CDH7: variants seen among roughly 807,000 people sequenced by gnomAD.
CDH7 encodes the protein cadherin-7.
Under a neutral mutation model 71.8 loss-of-function variants are expected in CDH7, and 25 were observed. The observed-to-expected ratio is 0.35, with a 90% CI of 0.25 to 0.49. The LOEUF is 0.49. Among genes scored for constraint, CDH7 ranks in the 20% least tolerant of loss-of-function variants. The pLI is 0.99. For missense variants in CDH7, 862 were observed against 974.6 expected (o/e 0.88, Z 1.54); for synonymous variants, 381 against 363.8 (o/e 1.05, Z -0.54).
chr18:65,833,706 TGTGCTTGAGTA>T (rs1912433808), intron 6 of CDH7, among the ~76,000 whole-genome samples: 1 of 152,214 alleles, frequency 6.6e-6, no homozygotes, highest in South Asian at 2.1e-4. Flanking sequence ...TAAATTTACC[TGTGCTTGAGTA>T]GTCAAGAGTA....
At position 65,888,655 on chromosome 18, in the gene CDH7, C is replaced by T. The variant is rs1190029582; in HGVS notation, c.*7761C>T. On this transcript the variant is annotated 3_prime_UTR_variant, in exon 12 of 12. Transcript: ENST00000397968. ...CTAACATATACATGGTTTCAATTTT[C>T]TTATAAGTCTGTGAATCACTCAAGT... The T allele has an allele frequency of 6.6e-6, 1 of 151,898 alleles. No homozygotes were observed. The highest frequency in any genetic ancestry group is 1.5e-5 in the Non-Finnish European group (1 of 68,006). The allele number at this position is 151,898 out of a possible 1,614,324, so 9.4% of individuals were successfully genotyped here.
chr18:65,852,953 G>A (rs1195820530), intron 7 of CDH7, among the ~76,000 whole-genome samples: 3 of 152,124 alleles, frequency 2.0e-5, no homozygotes, highest in Admixed American at 2.0e-4. Flanking sequence ...GATATATTGA[G>A]ATTGAATTAA....
intron 8 of CDH7, 118 bp from the exon 9 acceptor site, chr18:65,858,807 C>T: frequency 1.0e-6 from 1 of 952,416 alleles, no homozygotes; most frequent in South Asian, 1.7e-5. Context: ...TCTATAGCTC[C>T]TTTTAAGTAA....
intron 2 of CDH7, among the ~76,000 whole-genome samples, chr18:65,776,956 A>G (rs1909970449): frequency 6.6e-6 from 1 of 152,208 alleles, no homozygotes; most frequent in African/African-American, 2.4e-5. Flanking sequence ...GGAAAGATAA[A>G]TGAGTAGAAA....
rs975481789 is a variant in CDH7 at position 65,817,797 on chromosome 18, A to G, written c.625+3193A>G. Among the ~76,000 whole-genome samples the G allele has an allele frequency of 4.5e-4, 69 of 152,190 alleles. 1 individual carries two copies. The highest frequency in any genetic ancestry group is 6.5e-5 in the Admixed American group (1 of 15,276). On this transcript the variant is annotated intron_variant, in intron 4 of 11. Transcript: ENST00000397968. The stretch of plus-strand genomic sequence containing the variant: ...ACTTGATTTTATTGCCTATTATATG[A>G]AATTCATTTATAATTTGCATTGCAG...
intron 6 of CDH7, among the ~76,000 whole-genome samples, chr18:65,831,654 C>A (rs1472205980): frequency 6.6e-6 from 1 of 152,006 alleles, no homozygotes; most frequent in Non-Finnish European, 1.5e-5. Context: ...TAAAACTTTT[C>A]CAGGGAGCTT....
In CDH7 at chr18:65,880,880, A is replaced by C. The variant is rs1332301882; in HGVS notation, c.2344A>C (p.Ser782Arg). 1 of 1,603,136 alleles carries C rather than the reference A, an allele frequency of 6.2e-7. No individual in the cohort carries two copies. The highest frequency in any genetic ancestry group is 1.3e-5 in the African/African-American group (1 of 74,364). The change falls in exon 12 of 12, where the codon AGT (serine) becomes CGT (arginine). Residue 782 changes from serine to arginine, a missense_variant. By Grantham distance (110) the Ser-to-Arg change is moderately radical. Transcript: ENST00000397968. ...LADMYGTGQE[S>R]LYS ...GGACATGTATGGGACTGGCCAAGAG[A>C]GTTTGTACTCATAGCCTTGGAACCT...
Position 65,887,324 on chromosome 18 carries a change from G to T in CDH7, c.*6430G>T, listed in dbSNP as rs1914396933. The T allele has an allele frequency of 6.6e-6, 1 of 151,892 alleles. No individual in the cohort carries two copies. The highest frequency in any genetic ancestry group is 2.1e-4 in the South Asian group (1 of 4,818). The allele number at this position is 151,892 out of a possible 1,614,324, so 9.4% of individuals were successfully genotyped here. On this transcript the variant is annotated 3_prime_UTR_variant, in exon 12 of 12. Coordinates refer to ENST00000397968, the MANE Select transcript of CDH7 (RefSeq NM_004361.5). ...GTACATGTGCACAATGTGCAGGTTA[G>T]TTACATATGTATACATGTGCCATGC...
At chr18:65,793,411 C>A (rs956296082) in intron 2 of CDH7, among the ~76,000 whole-genome samples, 1 of 146,876 alleles carries the variant, frequency 6.8e-6, no homozygotes. Flanking sequence ...ACAGCGACAC[C>A]CAGTCTCAAA....
intron 7 of CDH7, among the ~76,000 whole-genome samples, chr18:65,845,019 AC>A (rs1308831663): frequency 3.9e-5 from 6 of 152,024 alleles, no homozygotes; most frequent in African/African-American, 1.4e-4. Context: ...GTGCTTTTGA[AC>A]TAACTTTTGA....
At position 65,857,886 on chromosome 18, in the gene CDH7, A is replaced by G. The variant is rs866636094; in HGVS notation, c.1306A>G (p.Thr436Ala). The change falls in exon 8 of 12, where the codon ACT becomes GCT. Residue 436 changes from threonine to alanine, a missense_variant. Physicochemically the swap from Thr to Ala is moderately conservative, Grantham distance 58. Coordinates refer to ENST00000397968, the MANE Select transcript of CDH7 (RefSeq NM_004361.5). ...TGATGCCAACAGTGGGGTCATCACA[A>G]CTGCCAAGTCTTTGGATCGAGAGAC... ...NIDANSGVIT[T>A]AKSLDRETNA... 2 of 1,613,730 alleles carry G rather than the reference A, an allele frequency of 1.2e-6. No homozygotes were observed. Among genetic ancestry groups the G allele is most frequent in the South Asian group, 1.1e-5 (1 of 91,072 alleles).
Position 65,809,844 on chromosome 18 carries a change from C to T in CDH7, c.351C>T (p.Tyr117=). The change falls in exon 3 of 12, where the codon TAC becomes TAT. Residue 117 remains tyrosine, a synonymous_variant. Coordinates refer to ENST00000397968, the MANE Select transcript of CDH7 (RefSeq NM_004361.5). Reference sequence around the variant, plus strand: ...GACTGGATCGTGAGGAGCAGGCCTACTACACGCTCCGAGCTCAAGCGCTGG... The same window carrying T: ...GACTGGATCGTGAGGAGCAGGCCTATTACACGCTCCGAGCTCAAGCGCTGG... The part of the protein sequence containing the change: ...TKRLDREEQA[Y]YTLRAQALDR... 3 of 1,613,988 alleles carry T rather than the reference C, an allele frequency of 1.9e-6. No individual in the cohort carries two copies. The highest frequency in any genetic ancestry group is 2.5e-6 in the Non-Finnish European group (3 of 1,179,986).
chr18:65,790,086 C>T (rs750876441), intron 2 of CDH7, among the ~76,000 whole-genome samples: 2 of 151,534 alleles, frequency 1.3e-5, no homozygotes, highest in African/African-American at 2.4e-5. Context: ...AAAAATTAGC[C>T]GGGCATGGTA....
rs1175436139 is a variant in CDH7, at chr18:65,880,863, A to G, written c.2327A>G (p.Tyr776Cys). ...GPRFKRLADMYGTGQESLYS is the reference protein window; with the variant it reads ...GPRFKRLADMCGTGQESLYS ...CGCTTTAAACGACTCGCGGACATGT[A>G]TGGGACTGGCCAAGAGAGTTTGTAC... The change falls in exon 12 of 12, where the codon TAT becomes TGT. Residue 776 changes from tyrosine (Y) to cysteine (C), a missense_variant. Physicochemically the swap from Tyr to Cys is radical, Grantham distance 194 (BLOSUM62 -2). Coordinates refer to ENST00000397968, the MANE Select transcript of CDH7 (RefSeq NM_004361.5). 18 of 1,613,816 alleles carry G rather than the reference A, an allele frequency of 1.1e-5. No individual in the cohort carries two copies. The highest frequency in any genetic ancestry group is 2.7e-5 in the African/African-American group (2 of 74,880).
chr18:65,867,963 A>G (rs1361738506), intron 11 of CDH7, among the ~76,000 whole-genome samples: 1 of 152,194 alleles, frequency 6.6e-6, no homozygotes, highest in Non-Finnish European at 1.5e-5. Context: ...GTACTAAACT[A>G]TATTTGGCCA....
intron 2 of CDH7, among the ~76,000 whole-genome samples, chr18:65,800,910 A>C (rs2143882511): frequency 6.6e-6 from 1 of 152,254 alleles, no homozygotes; most frequent in Admixed American, 6.5e-5. Context: ...TCATTGTGAA[A>C]CTAACTCTTA....
At chr18:65,798,523 C>T (rs1255049318) in intron 2 of CDH7, among the ~76,000 whole-genome samples, 1 of 152,102 alleles carries the variant, frequency 6.6e-6, no homozygotes, top group Non-Finnish European at 1.5e-5. Flanking sequence ...CAGACCTGGA[C>T]CAGGGATTTA....
At chr18:65,819,092 C>T (rs904124595) in intron 4 of CDH7, among the ~76,000 whole-genome samples, 1 of 152,050 alleles carries the variant, frequency 6.6e-6, no homozygotes, top group African/African-American at 2.4e-5. Context: ...GCCCTCATTG[C>T]TCATTGGCAT....
intron 11 of CDH7, among the ~76,000 whole-genome samples, chr18:65,872,024 T>C (rs560259806): frequency 6.6e-6 from 1 of 152,126 alleles, no homozygotes; most frequent in South Asian, 2.1e-4. Context: ...GAGGAAGATT[T>C]ACTGTAAGTA....
Sources: allele counts gnomAD v4.1 joint callset (sites outside exome capture counted in the v4.1 genomes callset), GRCh38; gene constraint gnomAD v4.1.1; transcripts MANE v1.5; gene names NCBI Gene and HGNC (gene_info 2026-07-23, HGNC 2026-07-21).